PREX2: variants seen among roughly 807,000 people sequenced by gnomAD.
PREX2 encodes the protein phosphatidylinositol-3,4,5-trisphosphate dependent Rac exchange factor 2.
In PREX2, 107 loss-of-function variants were observed where a neutral mutation model predicts 203.2. The observed-to-expected ratio is 0.53, with a 90% CI of 0.45 to 0.62. PREX2 has a LOEUF of 0.62. Among genes scored for constraint, PREX2 ranks in the 20% least tolerant of loss-of-function variants. The pLI, the probability that PREX2 is intolerant of heterozygous loss-of-function variation, is 0.00. For missense variants in PREX2, 1,777 were observed against 1,955.9 expected (o/e 0.91, Z 1.72); for synonymous variants, 672 against 663.6 (o/e 1.01, Z -0.19).
intron 1 of PREX2, among the ~76,000 whole-genome samples, chr8:67,999,079 G>C (rs778536623): frequency 3.3e-5 from 5 of 152,052 alleles, no homozygotes; most frequent in Non-Finnish European, 7.4e-5. Context: ...TAAATTCTGG[G>C]TAAAGCTTTT....
intron 11 of PREX2, among the ~76,000 whole-genome samples, chr8:68,063,697 C>A (rs1410566871): frequency 1.3e-5 from 2 of 152,110 alleles, no homozygotes; most frequent in Non-Finnish European, 2.9e-5. Flanking sequence ...TTCTGCCTTT[C>A]TAGAAGGAAG....
chr8:68,098,161 C>A (rs1485008049), intron 22 of PREX2, among the ~76,000 whole-genome samples: 1 of 152,178 alleles, frequency 6.6e-6, no homozygotes, highest in African/African-American at 2.4e-5. Flanking sequence ...CCTACTGTAT[C>A]CTCCACAGGT....
chr8:68,029,490 A>G (rs1807819147), intron 5 of PREX2, among the ~76,000 whole-genome samples: 1 of 152,184 alleles, frequency 6.6e-6, no homozygotes, highest in South Asian at 2.1e-4. Flanking sequence ...GCTCTGCAGA[A>G]CAAGGTGTGA....
chr8:68,234,589 A>G lies in PREX2; in HGVS notation c.*3211A>G, dbSNP rs967124143. On this transcript the variant is annotated 3_prime_UTR_variant, in exon 40 of 40. Coordinates refer to ENST00000288368, the MANE Select transcript of PREX2 (RefSeq NM_024870.4). ...GAATTTTACATGTATTTCCATTCCT[A>G]TTTAAAGAGAGAAAATGGGGAGATA... 1 of 152,162 alleles carries G rather than the reference A, an allele frequency of 6.6e-6. No homozygotes were observed. The highest frequency in any genetic ancestry group is 2.1e-4 in the South Asian group (1 of 4,832). 9.4% of individuals were successfully genotyped at this position (152,162 alleles called of 1,614,324 possible).
At position 68,234,816 on chromosome 8, in the gene PREX2, T is replaced by A. The variant is rs901771691; in HGVS notation, c.*3438T>A. 2 of 152,160 alleles carry A rather than the reference T, an allele frequency of 1.3e-5. No individual in the cohort carries two copies. Among genetic ancestry groups the A allele is most frequent in the Non-Finnish European group, 2.9e-5 (2 of 68,022 alleles). The allele number at this position is 152,160 out of a possible 1,614,324, so 9.4% of individuals were successfully genotyped here. A position where few individuals can be genotyped will look rare whatever the true frequency, so the allele number is the denominator to read the frequency against. On this transcript the variant is annotated 3_prime_UTR_variant, in exon 40 of 40. Coordinates refer to ENST00000288368, the MANE Select transcript of PREX2 (RefSeq NM_024870.4). ...TAAATCAATTTAAAATTAGGTAAAC[T>A]TTTTATGATACTATAATATATATGA...
intron 1 of PREX2, among the ~76,000 whole-genome samples, chr8:68,015,076 CAA>C (rs2129610099): frequency 6.6e-6 from 1 of 152,270 alleles, no homozygotes; most frequent in Non-Finnish European, 1.5e-5. Flanking sequence ...AGAGATAAAA[CAA>C]TGTGTAGAAT....
At chr8:68,169,896 T>C (rs1379660464) in intron 35 of PREX2, among the ~76,000 whole-genome samples, 1 of 152,042 alleles carries the variant, frequency 6.6e-6, no homozygotes, top group African/African-American at 2.4e-5. Flanking sequence ...AGACAGAAAA[T>C]GAACAAGTAA....
At chr8:68,007,534 G>A (rs1375956086) in intron 1 of PREX2, among the ~76,000 whole-genome samples, 1 of 147,052 alleles carries the variant, frequency 6.8e-6, no homozygotes, top group Non-Finnish European at 1.5e-5. Flanking sequence ...CAGCATTGAA[G>A]AAGTATATTT....
intron 1 of PREX2, among the ~76,000 whole-genome samples, chr8:68,005,002 G>T (rs1443445901): frequency 2.6e-5 from 4 of 152,202 alleles, no homozygotes; most frequent in Admixed American, 6.5e-5. Context: ...AAATGGAAAA[G>T]AATTCTTTGG....
chr8:67,985,462 C>A (rs1238042059), intron 1 of PREX2, among the ~76,000 whole-genome samples: 1 of 152,052 alleles, frequency 6.6e-6, no homozygotes, highest in East Asian at 1.9e-4. Flanking sequence ...GGATTTTACC[C>A]AAGTTTTCTT....
At chr8:68,011,989 C>T (rs575168717) in intron 1 of PREX2, among the ~76,000 whole-genome samples, 8 of 152,220 alleles carry the variant, frequency 5.3e-5, no homozygotes, top group Admixed American at 2.0e-4. Flanking sequence ...AGTAATTTTA[C>T]GCATAATTGT....
chr8:68,035,975 G>T (rs1808016480), intron 6 of PREX2, among the ~76,000 whole-genome samples: 1 of 152,164 alleles, frequency 6.6e-6, no homozygotes, highest in South Asian at 2.1e-4. Context: ...CTAAAAATTT[G>T]ATTAATAATT....
intron 37 of PREX2, among the ~76,000 whole-genome samples, chr8:68,215,761 T>C (rs1476231475): frequency 2.0e-5 from 3 of 152,068 alleles, no homozygotes; most frequent in Admixed American, 6.5e-5. Context: ...ATGGTCTCAA[T>C]CTTCTGACCT....
intron 37 of PREX2, 139 bp from the exon 38 acceptor site, chr8:68,217,477 T>C (rs1473792642): frequency 3.3e-6 from 2 of 611,286 alleles, no homozygotes; most frequent in Non-Finnish European, 5.8e-6. Flanking sequence ...TGGTATTTTA[T>C]GTAGAAAAAT....
At chr8:68,015,736 C>T (rs150654693) in intron 1 of PREX2, among the ~76,000 whole-genome samples, 394 of 152,044 alleles carry the variant, frequency 2.6e-3, no homozygotes, top group South Asian at 7.7e-3. Flanking sequence ...AACATTTTTG[C>T]GATGAGTATG....
At chr8:67,993,212 T>C (rs1806658363) in intron 1 of PREX2, among the ~76,000 whole-genome samples, 1 of 152,166 alleles carries the variant, frequency 6.6e-6, no homozygotes, top group Non-Finnish European at 1.5e-5. Context: ...CTTGCTTCAA[T>C]TGTATCATCT....
intron 37 of PREX2, among the ~76,000 whole-genome samples, chr8:68,207,046 T>A (rs550127406): frequency 3.2e-4 from 49 of 152,328 alleles, no homozygotes; most frequent in African/African-American, 8.7e-4. Flanking sequence ...AAAATGTTCT[T>A]CTGGCTTAGG....
chr8:68,163,744 G>A (rs1014816102), intron 35 of PREX2, among the ~76,000 whole-genome samples: 32 of 152,262 alleles, frequency 2.1e-4, no homozygotes, highest in African/African-American at 5.8e-4. Flanking sequence ...ACCAGGCCAA[G>A]CAATGCTTCT....
At chr8:68,025,122 T>C (rs1807678823) in intron 4 of PREX2, among the ~76,000 whole-genome samples, 1 of 152,028 alleles carries the variant, frequency 6.6e-6, no homozygotes, top group African/African-American at 2.4e-5. Flanking sequence ...TTGACTCTGA[T>C]ATTAGGTTTT....
Sources: allele counts gnomAD v4.1 joint callset (sites outside exome capture counted in the v4.1 genomes callset), GRCh38; gene constraint gnomAD v4.1.1; transcripts MANE v1.5; gene names NCBI Gene and HGNC (gene_info 2026-07-23, HGNC 2026-07-21).